PCDH7: variants seen among roughly 807,000 people sequenced by gnomAD.
PCDH7 encodes the protein protocadherin-7.
Under a neutral mutation model 58.9 loss-of-function variants are expected in PCDH7, and 17 were observed. That is an observed-to-expected ratio of 0.29 (90% confidence interval 0.20 to 0.43). PCDH7 has a LOEUF of 0.43. PCDH7 is among the 20% of genes least tolerant of loss of function. PCDH7 has a pLI of 1.00. For synonymous variants in PCDH7, 664 were observed against 616.4 expected (o/e 1.08, Z -1.14); for missense variants, 1,274 against 1,441.0 (o/e 0.88, Z 1.88).
At chr4:31,141,516 T>C (rs999664167) in intron 3 of PCDH7, among the ~76,000 whole-genome samples, 10 of 152,262 alleles carry the variant, frequency 6.6e-5, no homozygotes, top group Admixed American at 5.2e-4. Context: ...ACATGTTTAA[T>C]ATTTAGAAAA....
rs1319944572 is a variant in PCDH7 at position 30,723,696 on chromosome 4, T to A, written c.2274T>A (p.Asn758Lys). The A allele has an allele frequency of 1.2e-6, 2 of 1,614,034 alleles. No homozygotes were observed. Among genetic ancestry groups the A allele is most frequent in the Non-Finnish European group, 1.7e-6 (2 of 1,180,020 alleles). ...ACACTTTACTGCCACCTTCGAGTAA[T>A]GTCAGGACAGTAGTAGCTACAGTGT... Residue 758 changes from asparagine (N) to lysine (K), a missense_variant, in exon 1 of 2, where the codon AAT becomes AAA. Physicochemically the swap from Asn to Lys is moderately conservative, Grantham distance 94. Around this residue, in one of 3 missense-constraint regions of PCDH7, gnomAD observed 731 missense variants for 881.9 expected, o/e 0.83. Coordinates refer to ENST00000361762, the Ensembl canonical transcript of PCDH7. This position sits in a 1 kb window ranked among gnomAD's most constrained non-coding sequence, Gnocchi z 4.6.
At chr4:31,063,965 A>G (rs888206325) in intron 3 of PCDH7, among the ~76,000 whole-genome samples, 2 of 151,928 alleles carry the variant, frequency 1.3e-5, no homozygotes, top group African/African-American at 2.4e-5. Context: ...TCTGAAAACT[A>G]TATGACTTTT....
chr4:30,981,088 C>G (rs150293676), intron 3 of PCDH7, among the ~76,000 whole-genome samples: 1 of 152,202 alleles, frequency 6.6e-6, no homozygotes, highest in Non-Finnish European at 1.5e-5. Flanking sequence ...GTGATCCACC[C>G]GCCTTGGCCT....
At chr4:30,899,753 A>G (rs1578218168) in intron 1 of PCDH7, among the ~76,000 whole-genome samples, 3 of 151,594 alleles carry the variant, frequency 2.0e-5, no homozygotes, top group African/African-American at 7.3e-5. Context: ...TCTTCACCAC[A>G]TATGTGTGTT....
chr4:30,979,250 C>CAGG (rs1160871433), intron 3 of PCDH7, among the ~76,000 whole-genome samples: 1 of 149,880 alleles, frequency 6.7e-6, no homozygotes, highest in Non-Finnish European at 1.5e-5. Flanking sequence ...GGCGTGAACC[C>CAGG]AGGAGGAGGA....
chr4:31,125,627 CA>C, intron 3 of PCDH7, among the ~76,000 whole-genome samples: 1 of 152,250 alleles, frequency 6.6e-6, no homozygotes. Context: ...TAATGACATT[CA>C]GTACAATAAT....
chr4:30,815,189 T>G (rs1727516508), intron 1 of PCDH7, among the ~76,000 whole-genome samples: 2 of 151,682 alleles, frequency 1.3e-5, no homozygotes, highest in East Asian at 2.0e-4. Flanking sequence ...ATAATTTATA[T>G]ATACATGCAC....
At chr4:31,092,778 C>T (rs1713426758) in intron 3 of PCDH7, among the ~76,000 whole-genome samples, 1 of 152,004 alleles carries the variant, frequency 6.6e-6, no homozygotes, top group Non-Finnish European at 1.5e-5. Context: ...TCCTATCTCT[C>T]CAAGTTGTTT....
chr4:30,896,456 T>A (rs1319391247), intron 1 of PCDH7, among the ~76,000 whole-genome samples: 2 of 152,122 alleles, frequency 1.3e-5, no homozygotes, highest in Non-Finnish European at 2.9e-5. Flanking sequence ...CCATAAAAAA[T>A]TGCATTTTTA....
At chr4:30,728,333 T>C (rs1714947294) in intron 1 of PCDH7, among the ~76,000 whole-genome samples, 1 of 151,322 alleles carries the variant, frequency 6.6e-6, no homozygotes, top group South Asian at 2.1e-4. Flanking sequence ...CATATATATA[T>C]ATTCTTTAGT....
At chr4:30,953,704 A>G (rs185134573) in intron 3 of PCDH7, among the ~76,000 whole-genome samples, 330 of 152,264 alleles carry the variant, frequency 2.2e-3, no homozygotes, top group African/African-American at 7.7e-3. Flanking sequence ...TAAAAATAGC[A>G]TTTGAAGAAA....
At chr4:30,758,495 A>T (rs1021618039) in intron 1 of PCDH7, among the ~76,000 whole-genome samples, 1 of 152,228 alleles carries the variant, frequency 6.6e-6, no homozygotes, top group Non-Finnish European at 1.5e-5. Context: ...GTAAGTTTGT[A>T]ACAATAGCTT....
chr4:30,878,602 T>A (rs946392277), intron 1 of PCDH7, among the ~76,000 whole-genome samples: 3 of 151,944 alleles, frequency 2.0e-5, no homozygotes, highest in African/African-American at 7.3e-5. Context: ...ATAAAAGAAA[T>A]ATTTGGGGGG....
intron 3 of PCDH7, among the ~76,000 whole-genome samples, chr4:31,099,660 AT>A (rs1714642492): frequency 6.6e-6 from 1 of 152,156 alleles, no homozygotes; most frequent in Non-Finnish European, 1.5e-5. Flanking sequence ...TATTTTCCCT[AT>A]TTCACATACG....
At chr4:31,141,288 A>G (rs1018176780) in intron 3 of PCDH7, among the ~76,000 whole-genome samples, 10 of 152,254 alleles carry the variant, frequency 6.6e-5, no homozygotes, top group African/African-American at 2.4e-4. Flanking sequence ...ATATATTTTC[A>G]GAGGTCAAAT....
chr4:30,955,791 G>A (rs368298560), intron 3 of PCDH7, among the ~76,000 whole-genome samples: 7 of 151,692 alleles, frequency 4.6e-5, no homozygotes, highest in South Asian at 2.1e-4. Flanking sequence ...TCAAGTGATC[G>A]TCCCGCCCCG....
At chr4:30,791,767 A>C (rs1724148464) in intron 1 of PCDH7, among the ~76,000 whole-genome samples, 1 of 152,206 alleles carries the variant, frequency 6.6e-6, no homozygotes, top group South Asian at 2.1e-4. Context: ...GTGAAAGCCA[A>C]AATCAAATCT....
chr4:31,073,735 C>T (rs1266229399), intron 3 of PCDH7, among the ~76,000 whole-genome samples: 2 of 152,128 alleles, frequency 1.3e-5, no homozygotes, highest in Non-Finnish European at 2.9e-5. Flanking sequence ...TGTTTGCATA[C>T]ACAATTTTAT....
intron 3 of PCDH7, among the ~76,000 whole-genome samples, chr4:31,017,830 A>G (rs1349167927): frequency 6.6e-6 from 1 of 152,190 alleles, no homozygotes; most frequent in Non-Finnish European, 1.5e-5. Context: ...ATGATGATCA[A>G]TAGATAAGAG....
Sources: gnomAD v4.1 joint callset for allele counts (sites outside exome capture counted in the v4.1 genomes callset) on GRCh38, gnomAD v4.1.1 for gene constraint, gnomAD v4.1.1 regional missense constraint, Gnocchi (gnomAD v3.1) non-coding constraint, MANE v1.5 for transcripts, NCBI Gene and HGNC (gene_info 2026-07-23, HGNC 2026-07-21) for gene names.